The following GARNL3 variants were observed in gnomAD, a reference collection of about 807,000 sequenced individuals.
GARNL3 encodes the protein GTPase activating Rap/RanGAP domain like 3.
Under a neutral mutation model 125.0 loss-of-function variants are expected in GARNL3, and 63 were observed. That is an observed-to-expected ratio of 0.50 (90% CI 0.41 to 0.62). The LOEUF (loss-of-function observed/expected upper bound fraction) is 0.62, where lower values mean the gene tolerates loss of function less well. GARNL3 is among the 20% of genes least tolerant of loss of function. GARNL3 has a pLI of 0.00. For missense variants in GARNL3, 994 were observed against 1,244.0 expected, an observed-to-expected ratio of 0.80 and a Z score of 3.02; for synonymous variants, 439 against 457.5, an observed-to-expected ratio of 0.96 and a Z score of 0.52.
chr9:127,348,762 A>C (rs748821665), intron 16 of GARNL3, among the ~76,000 whole-genome samples, 162 bp from the exon 17 acceptor site: 11 of 152,258 alleles, frequency 7.2e-5, no homozygotes, highest in Non-Finnish European at 1.2e-4. Flanking sequence ...TTTTCTTCCT[A>C]AGAAAGGTAA....
intron 2 of GARNL3, among the ~76,000 whole-genome samples, chr9:127,247,471 C>T (rs539692498): frequency 2.0e-4 from 31 of 152,296 alleles, no homozygotes; most frequent in Non-Finnish European, 3.4e-4. Context: ...TCTCTTTCCC[C>T]GTGCTTCTTG....
chr9:127,308,689 T>G (rs2065019259), intron 2 of GARNL3, among the ~76,000 whole-genome samples: 1 of 152,228 alleles, frequency 6.6e-6, no homozygotes, highest in Non-Finnish European at 1.5e-5. Context: ...AATGACATTG[T>G]TGACTCAACT....
chr9:127,387,743 CAAAA>C (rs59031446), intron 25 of GARNL3, among the ~76,000 whole-genome samples: 1 of 57,912 alleles, frequency 1.7e-5, no homozygotes, highest in Admixed American at 2.0e-4. Flanking sequence ...ACTCTGTCTA[CAAAA>C]AAAAAAAAAA....
chr9:127,289,200 C>T (rs1027919949), intron 1 of GARNL3, among the ~76,000 whole-genome samples: 10 of 152,158 alleles, frequency 6.6e-5, no homozygotes, highest in Admixed American at 1.3e-4. Flanking sequence ...TTAAAATTGG[C>T]CTCTGTAAAG....
At chr9:127,226,306 A>T (rs989503201) in intron 1 of GARNL3, among the ~76,000 whole-genome samples, 2 of 152,250 alleles carry the variant, frequency 1.3e-5, no homozygotes, top group Non-Finnish European at 2.9e-5. Flanking sequence ...ACTAACCAGG[A>T]TCCTTAAGAT....
rs1437383510 is a variant in GARNL3 at position 127,383,535 on chromosome 9, C to A, written c.2259C>A (p.Pro753=). The part of the protein sequence containing the change: ...SDFQFCWNQA[P]YAIVCAFPYL... ...TCCAGTTCTGTTGGAACCAGGCTCC[C>A]TATGCAATTGGTAAGAAAAGTCTTT... Residue 753 remains proline (P), a synonymous_variant, in exon 23 of 28, where the codon CCC becomes CCA. Coordinates refer to ENST00000373387, the MANE Select transcript of GARNL3 (RefSeq NM_032293.5). 1 of 1,608,410 alleles carries A rather than the reference C, an allele frequency of 6.2e-7. No individual in the cohort carries two copies. The highest frequency in any genetic ancestry group is 1.7e-5 in the Admixed American group (1 of 59,458).
At chr9:127,380,117 C>T (rs1361214573) in intron 22 of GARNL3, among the ~76,000 whole-genome samples, 1 of 151,848 alleles carries the variant, frequency 6.6e-6, no homozygotes, top group African/African-American at 2.4e-5. Context: ...AGGCAGAACC[C>T]AAGAGGCATA....
At chr9:127,325,549 G>A (rs1220731644) in intron 7 of GARNL3, among the ~76,000 whole-genome samples, 3 of 152,112 alleles carry the variant, frequency 2.0e-5, no homozygotes, top group African/African-American at 7.2e-5. Flanking sequence ...ATTATCAATA[G>A]GCAATGGAGT....
At position 127,387,189 on chromosome 9, in the gene GARNL3, C is replaced by G. The variant is rs201522825; in HGVS notation, c.2389-4C>G. 1.2e-6 allele frequency: 2 copies of G among 1,609,924 alleles called. No individual in the cohort carries two copies. The highest frequency in any genetic ancestry group is 4.5e-5 in the East Asian group (2 of 44,812). On this transcript the variant is annotated splice_polypyrimidine_tract_variant and splice_region_variant and intron_variant, in intron 24 of 27. Transcript: ENST00000373387. The stretch of plus-strand genomic sequence containing the variant: ...GCCCGGTAATGCTCTCTCTTCCTTT[C>G]TAGTCGGATATATACTTCACAGCAA...
chr9:127,272,905 T>G (rs2063858893), intron 1 of GARNL3, among the ~76,000 whole-genome samples: 1 of 152,232 alleles, frequency 6.6e-6, no homozygotes, highest in Non-Finnish European at 1.5e-5. Flanking sequence ...TTGTAACCAT[T>G]TTCTGTGATG....
chr9:127,347,806 T>G (rs1366930717), intron 16 of GARNL3, among the ~76,000 whole-genome samples: 2 of 152,194 alleles, frequency 1.3e-5, no homozygotes, highest in Non-Finnish European at 2.9e-5. Flanking sequence ...TACAAAATGT[T>G]GTCACATTCT....
intron 25 of GARNL3, chr9:127,388,470 G>C (rs1357138099): frequency 4.9e-6 from 1 of 204,842 alleles, no homozygotes; most frequent in Non-Finnish European, 9.9e-6. Flanking sequence ...ACATTCCCCA[G>C]CACATGCAGT....
At chr9:127,339,892 A>G in intron 13 of GARNL3, 141 bp downstream of exon 13, 1 of 675,940 alleles carries the variant, frequency 1.5e-6, no homozygotes, top group Non-Finnish European at 2.7e-6. Flanking sequence ...ACATGTGTTT[A>G]GTATTCTGGT....
chr9:127,322,627 G>T (rs1316096488), intron 6 of GARNL3, among the ~76,000 whole-genome samples: 1 of 152,158 alleles, frequency 6.6e-6, no homozygotes, highest in Non-Finnish European at 1.5e-5. Flanking sequence ...GAGATGCAGG[G>T]TGAAGGCTGT....
chr9:127,282,275 A>G (rs1054749169), intron 1 of GARNL3, among the ~76,000 whole-genome samples: 18 of 152,254 alleles, frequency 1.2e-4, no homozygotes, highest in African/African-American at 4.3e-4. Flanking sequence ...TAAATGTAGC[A>G]TAAAGTGGCT....
At chr9:127,224,689 G>A (rs113828055) in intron 1 of GARNL3, 7,613 of 153,104 alleles carry the variant, frequency 0.05, 340 homozygotes, top group Non-Finnish European at 0.068. Context: ...GCAGAGGTTT[G>A]GGGTGAGTGC....
At chr9:127,231,035 C>CATATATGTAT (rs1554887383) in intron 1 of GARNL3, among the ~76,000 whole-genome samples, 1 of 55,842 alleles carries the variant, frequency 1.8e-5, no homozygotes, top group African/African-American at 8.7e-5. Flanking sequence ...TGTATATATA[C>CATATATGTAT]ATATATATAT....
intron 22 of GARNL3, 72 bp downstream of exon 22, chr9:127,365,438 AAGATT>A (rs1201532931): frequency 2.5e-5 from 30 of 1,195,446 alleles, no homozygotes; most frequent in Non-Finnish European, 3.7e-5. Flanking sequence ...GCAATTTAAA[AAGATT>A]GTCCTTAGAT....
rs933141366 is a variant in GARNL3, at chr9:127,357,214, C to T, written c.1936-5C>T. ...CTGTCTCTTGTATCCTCACCAACCA[C>T]ACAGGAGATCTGTCTGTCTGACTCT... On this transcript the variant is annotated splice_polypyrimidine_tract_variant and splice_region_variant and intron_variant, in intron 20 of 27. Transcript: ENST00000373387. 12 of 1,613,924 alleles carry T rather than the reference C, an allele frequency of 7.4e-6. No homozygotes were observed. The highest frequency in any genetic ancestry group is 1.0e-5 in the Non-Finnish European group (12 of 1,179,932).
Sources: gnomAD v4.1 joint callset for allele counts (sites outside exome capture counted in the v4.1 genomes callset) on GRCh38, gnomAD v4.1.1 for gene constraint, MANE v1.5 for transcripts, NCBI Gene and HGNC (gene_info 2026-07-23, HGNC 2026-07-21) for gene names.